The following VLDLR variants were observed in gnomAD, a reference collection of about 807,000 sequenced individuals.
VLDLR encodes the protein very low density lipoprotein receptor.
In VLDLR, 81 loss-of-function variants were observed where a neutral mutation model predicts 112.7. The ratio of observed to expected loss-of-function variants is 0.72; its 90% confidence interval spans 0.60 to 0.86. VLDLR has a LOEUF of 0.86. Ranked by LOEUF, VLDLR falls within the 40% of genes least tolerant of loss-of-function variation. The pLI is 0.00. For missense variants in VLDLR, 1,237 were observed against 1,099.4 expected (o/e 1.13, Z -1.77); for synonymous variants, 436 against 384.8 (o/e 1.13, Z -1.56).
chr9:2,653,951 C>T lies in VLDLR; in HGVS notation c.*83C>T, dbSNP rs755339168. 728 of 1,429,022 alleles carry T rather than the reference C, an allele frequency of 5.1e-4. No homozygotes were observed. The highest frequency in any genetic ancestry group is 6.8e-4 in the Non-Finnish European group (684 of 1,012,756). The allele number at this position is 1,429,022 out of a possible 1,614,324, so 88.5% of individuals were successfully genotyped here. On this transcript the variant is annotated 3_prime_UTR_variant, in exon 19 of 19. Coordinates refer to ENST00000382100, the MANE Select transcript of VLDLR (RefSeq NM_003383.5). ...GTAACCGAGCCAGCAGCTGAAGTCT[C>T]TTTTTCTTCCTCTCGGCTGGAAGAA... is the stretch of plus-strand genomic sequence containing the variant.
intron 2 of VLDLR, among the ~76,000 whole-genome samples, chr9:2,638,422 C>T (rs1009880231): frequency 1.3e-5 from 2 of 152,134 alleles, no homozygotes; most frequent in Non-Finnish European, 1.5e-5. Context: ...TTCAAATGTT[C>T]ATCAAATTGT....
In VLDLR at chr9:2,643,439, A is replaced by C; in HGVS notation, c.728A>C (p.Glu243Ala). ...PVIHTKCPASEIQCGSGECIH... is the reference protein window; with the variant it reads ...PVIHTKCPASAIQCGSGECIH... ...ATACACACCAAGTGTCCAGCCAGCG[A>C]AATCCAGTGCGGCTCTGGCGAGTGC... Residue 243 changes from glutamate to alanine, a missense_variant, in exon 5 of 19, where the codon GAA becomes GCA. Glu to Ala is a moderately radical substitution (Grantham distance 107). Transcript: ENST00000382100. 6.2e-7 allele frequency: 1 copy of C among 1,614,224 alleles called. No individual in the cohort carries two copies. Among genetic ancestry groups the C allele is most frequent in the South Asian group, 1.1e-5 (1 of 91,084 alleles).
rs75707740 is a variant in VLDLR at position 2,648,028 on chromosome 9, C to G, written c.1823-180C>G. Among the ~76,000 whole-genome samples the G allele has an allele frequency of 4.6e-5, 7 of 152,316 alleles. No individual in the cohort carries two copies. In the East Asian group the frequency reaches 1.3e-3, roughly 29 times the overall value. ...TGAGAATCTCAGGTACCCTGTTAGT[C>G]CCCAAAAATGAACGTGGATACAGGC... On this transcript the variant is annotated intron_variant, in intron 12 of 18. Transcript: ENST00000382100.
At chr9:2,647,373 G>T in intron 11 of VLDLR, 101 bp from the exon 12 acceptor site, 1 of 898,264 alleles carries the variant, frequency 1.1e-6, no homozygotes, top group Non-Finnish European at 1.9e-6. Context: ...ACTAGAGAAT[G>T]CCTTGAGTTT....
chr9:2,637,311 A>G (rs1437833095), intron 2 of VLDLR, among the ~76,000 whole-genome samples: 2 of 152,190 alleles, frequency 1.3e-5, no homozygotes, highest in African/African-American at 2.4e-5. Context: ...TATTTCCAGT[A>G]TGTCAATGGG....
Position 2,622,249 on chromosome 9 carries a change from G to A in VLDLR, c.60G>A (p.Arg20=), listed in dbSNP as rs1816834071. The part of the protein sequence containing the change: ...WLLLALCWAP[R]ESGATGTGRK... ...TGCTCGCGCTGTGCTGGGCGCCCCG[G>A]GAGAGCGGCGCCACCGGAACCGGTG... is the stretch of plus-strand genomic sequence containing the variant. The change falls in exon 1 of 19, where the codon CGG becomes CGA. Residue 20 remains arginine, a synonymous_variant. Transcript: ENST00000382100. 3.3e-6 allele frequency: 5 copies of A among 1,494,200 alleles called. No individual in the cohort carries two copies. Among genetic ancestry groups the A allele is most frequent in the Non-Finnish European group, 4.4e-6 (5 of 1,128,594 alleles). 92.6% of individuals were successfully genotyped at this position (1,494,200 alleles called of 1,614,324 possible).
At chr9:2,634,543 G>A (rs370426874) in intron 1 of VLDLR, among the ~76,000 whole-genome samples, 14 of 152,168 alleles carry the variant, frequency 9.2e-5, no homozygotes, top group African/African-American at 2.4e-4. Flanking sequence ...GGCCTGTGCC[G>A]GGCAAAACAC....
At chr9:2,629,767 G>C (rs143521927) in intron 1 of VLDLR, among the ~76,000 whole-genome samples, 1 of 152,100 alleles carries the variant, frequency 6.6e-6, no homozygotes, top group African/African-American at 2.4e-5. Context: ...CCACTTTTTA[G>C]TGGCCCCCGA....
chr9:2,649,682 A>G (rs773645212), intron 14 of VLDLR, among the ~76,000 whole-genome samples: 2 of 152,166 alleles, frequency 1.3e-5, no homozygotes, highest in Non-Finnish European at 2.9e-5. Context: ...GTGAGCTGTA[A>G]TAACAGTCAT....
chr9:2,645,340 A>G (rs902496804), intron 9 of VLDLR, among the ~76,000 whole-genome samples: 5 of 152,208 alleles, frequency 3.3e-5, no homozygotes, highest in African/African-American at 4.8e-5. Flanking sequence ...GTCCAACTCA[A>G]ACAAGTGACT....
At chr9:2,645,488 A>G (rs936820098) in intron 9 of VLDLR, 86 bp from the exon 10 acceptor site, 6 of 1,495,618 alleles carry the variant, frequency 4.0e-6, no homozygotes, top group Non-Finnish European at 5.6e-6. Context: ...TTTATTTTCT[A>G]AGTGCTCCTC....
chr9:2,644,731 C>T lies in VLDLR; in HGVS notation c.1067-3C>T. Reference sequence around the variant, plus strand: ...TCAAGTGACTACTACATTTTTATTCCAGATATAAACGAATGCTTGGTAAAT... The same window carrying T: ...TCAAGTGACTACTACATTTTTATTCTAGATATAAACGAATGCTTGGTAAAT... On this transcript the variant is annotated splice_polypyrimidine_tract_variant and splice_region_variant and intron_variant, in intron 7 of 18. Transcript: ENST00000382100. 6.2e-7 allele frequency: 1 copy of T among 1,613,642 alleles called. No individual in the cohort carries two copies. Among genetic ancestry groups the T allele is most frequent in the African/African-American group, 1.3e-5 (1 of 74,844 alleles).
At chr9:2,637,140 AAGAAAGT>A (rs1389351180) in intron 2 of VLDLR, among the ~76,000 whole-genome samples, 1 of 152,204 alleles carries the variant, frequency 6.6e-6, no homozygotes, top group Non-Finnish European at 1.5e-5. Context: ...ACAGTAGAGA[AAGAAAGT>A]AGAAATATTA....
chr9:2,651,311 T>C (rs1818318774), intron 15 of VLDLR, 104 bp from the exon 16 acceptor site: 1 of 955,802 alleles, frequency 1.0e-6, no homozygotes, highest in Non-Finnish European at 1.7e-6. Flanking sequence ...GGTTTGTCTA[T>C]TTTACCTGGT....
At chr9:2,650,274 G>T in intron 14 of VLDLR, 96 bp from the exon 15 acceptor site, 1 of 1,514,656 alleles carries the variant, frequency 6.6e-7, no homozygotes, top group East Asian at 2.3e-5. Context: ...TTAAGCTCTT[G>T]GGGGCAAGGA....
At chr9:2,628,936 G>A (rs564005597) in intron 1 of VLDLR, among the ~76,000 whole-genome samples, 1 of 152,314 alleles carries the variant, frequency 6.6e-6, no homozygotes, top group South Asian at 2.1e-4. Context: ...TTATGAGGGT[G>A]TTATTGGTAT....
rs1246557485 is a variant in VLDLR at position 2,645,728 on chromosome 9, C to G, written c.1467C>G (p.Ser489Arg). Residue 489 changes from serine to arginine, a missense_variant, in exon 10 of 19, where the codon AGC becomes AGG. Transcript: ENST00000382100. ...AAQKLFWADL[S>R]QKAIFSASID... The stretch of plus-strand genomic sequence containing the variant: ...AGAAACTATTCTGGGCCGATCTAAG[C>G]CAAAAGGCTATCTTCAGGTAACTTT... 5 of 1,614,150 alleles carry G rather than the reference C, an allele frequency of 3.1e-6. No individual in the cohort carries two copies. Among genetic ancestry groups the G allele is most frequent in the Non-Finnish European group, 4.2e-6 (5 of 1,180,030 alleles).
At position 2,651,442 on chromosome 9, in the gene VLDLR, A is replaced by C; in HGVS notation, c.2279A>C (p.Glu760Ala). The change falls in exon 16 of 19, where the codon GAG becomes GCG. Residue 760 changes from glutamate to alanine, a missense_variant. Transcript: ENST00000382100. The stretch of plus-strand genomic sequence containing the variant: ...ACTGCAACTACTGTGACTTACAGTG[A>C]GACAAAAGATACGAACACAACAGAA... ...QSTATTVTYSETKDTNTTEIS... is the reference protein window; with the variant it reads ...QSTATTVTYSATKDTNTTEIS... 3.1e-6 allele frequency: 5 copies of C among 1,614,086 alleles called. No individual in the cohort carries two copies. The highest frequency in any genetic ancestry group is 4.2e-6 in the Non-Finnish European group (5 of 1,179,984).
At chr9:2,624,495 T>A (rs898560809) in intron 1 of VLDLR, among the ~76,000 whole-genome samples, 5 of 152,222 alleles carry the variant, frequency 3.3e-5, no homozygotes, top group African/African-American at 1.2e-4. Flanking sequence ...ATTGCACAAT[T>A]CCTGGGGGTT....
Sources: allele counts gnomAD v4.1 joint callset (sites outside exome capture counted in the v4.1 genomes callset), GRCh38; gene constraint gnomAD v4.1.1; transcripts MANE v1.5; gene names NCBI Gene and HGNC (gene_info 2026-07-23, HGNC 2026-07-21).